The following GRID2IP variants were observed in gnomAD, a reference collection of about 807,000 sequenced individuals.
GRID2IP encodes delphilin.
Under a neutral mutation model 114.3 loss-of-function variants are expected in GRID2IP, and 78 were observed. The ratio of observed to expected loss-of-function variants is 0.68; its 90% CI spans 0.57 to 0.82. The LOEUF (loss-of-function observed/expected upper bound fraction) is 0.82, where lower values mean the gene tolerates loss of function less well. Ranked by LOEUF, GRID2IP falls within the 40% of genes least tolerant of loss-of-function variation. The pLI, the probability that GRID2IP is intolerant of heterozygous loss-of-function variation, is 0.00. For missense variants in GRID2IP, 1,727 were observed against 1,678.5 expected (o/e 1.03, Z -0.51); for synonymous variants, 809 against 724.0 (o/e 1.12, Z -1.89).
intron 2 of GRID2IP, chr7:6,530,955 C>A (rs552827180): frequency 5.0e-5 from 27 of 538,844 alleles, no homozygotes; most frequent in Admixed American, 1.1e-4. Flanking sequence ...CCACCCAGGG[C>A]AGGGAAGCCC....
chr7:6,520,541 C>G lies in GRID2IP; in HGVS notation c.1268+37G>C, dbSNP rs1452797149. ...AGTCTAGGCAGGACTTAGGGCCCAC[C>G]CAGGGCAGGGCCCCACCGCGGCTTT... is the stretch of plus-strand genomic sequence containing the variant. On this transcript the variant is annotated intron_variant, in intron 7 of 21. Transcript: ENST00000457091. This position sits in a 1 kb window ranked among gnomAD's most constrained non-coding sequence, Gnocchi z 4.6. 6.5e-7 allele frequency: 1 copy of G among 1,538,782 alleles called. No homozygotes were observed. The highest frequency in any genetic ancestry group is 1.4e-5 in the African/African-American group (1 of 72,832).
rs537204340 is a variant in GRID2IP at position 6,504,756 on chromosome 7, T to C, written c.2710+37A>G. ...GAGGCCCAGAGAAAGGGCCGCCGCCTGCCCCCTACACCCCCTGGGGTTCCC... is the reference window on the plus strand; with the variant it reads ...GAGGCCCAGAGAAAGGGCCGCCGCCCGCCCCCTACACCCCCTGGGGTTCCC... On this transcript the variant is annotated intron_variant, in intron 15 of 21. Coordinates refer to ENST00000457091, the MANE Select transcript of GRID2IP (RefSeq NM_001145118.2). The C allele has an allele frequency of 6.5e-5, 98 of 1,509,658 alleles. No homozygotes were observed. In the African/African-American group the frequency reaches 1.1e-3, roughly 18 times the overall value. The allele number at this position is 1,509,658 out of a possible 1,614,324, so 93.5% of individuals were successfully genotyped here.
rs967671968 is a variant in GRID2IP, at chr7:6,509,066, A to G, written c.2019T>C (p.Pro673=). The change falls in exon 12 of 22, where the codon CCT becomes CCC. Residue 673 remains proline (P), a synonymous_variant. Coordinates refer to ENST00000457091, the MANE Select transcript of GRID2IP (RefSeq NM_001145118.2). This position sits in a 1 kb window ranked among gnomAD's most constrained non-coding sequence, Gnocchi z 4.9. Reference sequence around the variant, plus strand: ...AGCGGTCAGTATCGCGGCTTCGCACAGGGTGGGAGAAGGTGAAGAGCTTCC... The same window carrying G: ...AGCGGTCAGTATCGCGGCTTCGCACGGGGTGGGAGAAGGTGAAGAGCTTCC... ...SRRKLFTFSH[P]VRSRDTDRFL... The G allele has an allele frequency of 9.6e-6, 12 of 1,249,606 alleles. No homozygotes were observed. Among genetic ancestry groups the G allele is most frequent in the Admixed American group, 2.5e-5 (1 of 40,140 alleles). 77.4% of individuals were successfully genotyped at this position (1,249,606 alleles called of 1,614,324 possible). A position where few individuals can be genotyped will look rare whatever the true frequency, so the allele number is the denominator to read the frequency against.
rs555976698 is a variant in GRID2IP, at chr7:6,510,782, G to A, written c.1556-76C>T. 4.2e-5 allele frequency: 62 copies of A among 1,476,468 alleles called. No homozygotes were observed. In the South Asian group the frequency reaches 5.3e-4, roughly 13 times the overall value. 91.5% of individuals were successfully genotyped at this position (1,476,468 alleles called of 1,614,324 possible). A position where few individuals can be genotyped will look rare whatever the true frequency, so the allele number is the denominator to read the frequency against. On this transcript the variant is annotated intron_variant, in intron 9 of 21. Transcript: ENST00000457091. ...CGGCCCAGAACCAACATGCCCCGCA[G>A]ACCCAGGAGGGCCAATCCTGAGCCC...
In GRID2IP at chr7:6,497,633, G is replaced by A. The variant is rs906601855; in HGVS notation, c.*141C>T. The A allele has an allele frequency of 3.4e-6, 2 of 596,096 alleles. No homozygotes were observed. The highest frequency in any genetic ancestry group is 2.2e-5 in the South Asian group (1 of 46,378). 36.9% of individuals were successfully genotyped at this position (596,096 alleles called of 1,614,324 possible). A position where few individuals can be genotyped will look rare whatever the true frequency, so the allele number is the denominator to read the frequency against. ...GCAGAGGAGGGCCCGACCACAGCTC[G>A]GCGGCTGAGGTAGCTGCAGGAGAGG... On this transcript the variant is annotated 3_prime_UTR_variant, in exon 22 of 22. Coordinates refer to ENST00000457091, the MANE Select transcript of GRID2IP (RefSeq NM_001145118.2).
intron 4 of GRID2IP, among the ~76,000 whole-genome samples, chr7:6,525,496 G>A (rs879871763): frequency 2.6e-5 from 4 of 151,852 alleles, no homozygotes; most frequent in South Asian, 2.1e-4. Context: ...GGTGGCGTGC[G>A]CCTGTGGTCC....
chr7:6,500,089 G>T (rs1786369356), intron 20 of GRID2IP, among the ~76,000 whole-genome samples: 1 of 152,030 alleles, frequency 6.6e-6, no homozygotes, highest in Admixed American at 6.6e-5. Context: ...CAAGCCCAAG[G>T]AAGCCGCCAA....
In GRID2IP at chr7:6,498,088, A is replaced by G; in HGVS notation, c.3540T>C (p.Phe1180=). The change falls in exon 21 of 22, where the codon TTT becomes TTC. Residue 1180 remains phenylalanine, a synonymous_variant. Transcript: ENST00000457091. The part of the protein sequence containing the change: ...ATTSEAFFGI[F]AEFMSKFERA... ...CCTCGAATTTGCTCATGAACTCTGC[A>G]AAGATGCCGAAGAAAGCCTCAGAGG... 2 of 1,551,448 alleles carry G rather than the reference A, an allele frequency of 1.3e-6. No homozygotes were observed. Among genetic ancestry groups the G allele is most frequent in the Non-Finnish European group, 1.7e-6 (2 of 1,146,872 alleles).
At chr7:6,550,568 T>C (rs1779958107) in intron 1 of GRID2IP, among the ~76,000 whole-genome samples, 1 of 149,912 alleles carries the variant, frequency 6.7e-6, no homozygotes, top group African/African-American at 2.5e-5. Flanking sequence ...CCCAGCACTT[T>C]GGGAGGCAGA....
intron 1 of GRID2IP, among the ~76,000 whole-genome samples, chr7:6,544,216 C>G (rs945272414): frequency 1.3e-4 from 20 of 152,202 alleles, no homozygotes; most frequent in African/African-American, 4.3e-4. Flanking sequence ...GGCTGTTTCC[C>G]CTGTCCTGCA....
chr7:6,509,703 C>T lies in GRID2IP; in HGVS notation c.1772-390G>A, dbSNP rs1786706800. Among the ~76,000 whole-genome samples, 1 of 152,212 alleles carries T rather than the reference C, an allele frequency of 6.6e-6. No homozygotes were observed. Among genetic ancestry groups the T allele is most frequent in the Admixed American group, 6.5e-5 (1 of 15,284 alleles). On this transcript the variant is annotated intron_variant, in intron 11 of 21. Transcript: ENST00000457091. The surrounding 1 kb of genome is among the most constrained non-coding windows in gnomAD (Gnocchi z 4.9). Reference sequence around the variant, plus strand: ...ACAGGAGGGCCTCCCAGGGCTCCTGCCTTCTGAGCTGCAGAGCAACTGTCT... The same window carrying T: ...ACAGGAGGGCCTCCCAGGGCTCCTGTCTTCTGAGCTGCAGAGCAACTGTCT...
Position 6,523,786 on chromosome 7 carries a change from A to C in GRID2IP, c.920-1829T>G, listed in dbSNP as rs1158331043. Among the ~76,000 whole-genome samples the C allele has an allele frequency of 6.6e-6, 1 of 152,046 alleles. No individual in the cohort carries two copies. Among genetic ancestry groups the C allele is most frequent in the Non-Finnish European group, 1.5e-5 (1 of 68,002 alleles). ...TGATCTTCCTGCCTCGGCCTCCCAAAGTGCTGGGATTACAAGTGTGAGCCA... is the reference window on the plus strand; with the variant it reads ...TGATCTTCCTGCCTCGGCCTCCCAACGTGCTGGGATTACAAGTGTGAGCCA... On this transcript the variant is annotated intron_variant, in intron 4 of 21. Transcript: ENST00000457091. The surrounding 1 kb of genome is among the most constrained non-coding windows in gnomAD (Gnocchi z 4.5).
At chr7:6,501,348 C>G (rs966699091) in intron 20 of GRID2IP, among the ~76,000 whole-genome samples, 6 of 151,918 alleles carry the variant, frequency 3.9e-5, no homozygotes, top group African/African-American at 1.5e-4. Flanking sequence ...AAGGCTCTGT[C>G]TCAAAAAATA....
chr7:6,498,390 C>T (rs1201919701), intron 20 of GRID2IP, among the ~76,000 whole-genome samples, 162 bp from the exon 21 acceptor site: 1 of 152,112 alleles, frequency 6.6e-6, no homozygotes, highest in Non-Finnish European at 1.5e-5. Flanking sequence ...TGTTCAGGGA[C>T]TCTAGTCCCA....
intron 1 of GRID2IP, among the ~76,000 whole-genome samples, chr7:6,542,322 A>AG (rs1397229488): frequency 6.4e-4 from 96 of 150,940 alleles, no homozygotes; most frequent in Non-Finnish European, 1.2e-3. Context: ...AAAAAAAAAA[A>AG]AAAAGAAAAA....
At chr7:6,537,898 G>C (rs1162380790) in intron 2 of GRID2IP, among the ~76,000 whole-genome samples, 1 of 152,030 alleles carries the variant, frequency 6.6e-6, no homozygotes, top group Non-Finnish European at 1.5e-5. Context: ...GTGCACTGCT[G>C]ACCCTGCTCG....
At chr7:6,544,756 G>T (rs1172503709) in intron 1 of GRID2IP, among the ~76,000 whole-genome samples, 11 of 152,064 alleles carry the variant, frequency 7.2e-5, no homozygotes, top group Admixed American at 4.6e-4. Flanking sequence ...TTGGAGACCA[G>T]CCTGGGCAAC....
Position 6,509,046 on chromosome 7 carries a change from T to C in GRID2IP, c.2039A>G (p.Asp680Gly). The change falls in exon 12 of 22, where the codon GAC becomes GGC. Residue 680 changes from aspartate (D) to glycine (G), a missense_variant. Physicochemically the swap from Asp to Gly is moderately conservative, Grantham distance 94 (BLOSUM62 -1). Coordinates refer to ENST00000457091, the MANE Select transcript of GRID2IP (RefSeq NM_001145118.2). This position sits in a 1 kb window ranked among gnomAD's most constrained non-coding sequence, Gnocchi z 4.9. ...FSHPVRSRDT[D>G]RFLDVLSEQL... ...CTCGCTCAGCACGTCCAGGAAGCGG[T>C]CAGTATCGCGGCTTCGCACAGGGTG... The C allele has an allele frequency of 2.0e-6, 3 of 1,537,034 alleles. No individual in the cohort carries two copies. Among genetic ancestry groups the C allele is most frequent in the Non-Finnish European group, 2.6e-6 (3 of 1,141,880 alleles).
chr7:6,521,833 G>T lies in GRID2IP; in HGVS notation c.989+55C>A. 4 of 1,338,290 alleles carry T rather than the reference G, an allele frequency of 3.0e-6. No homozygotes were observed. The highest frequency in any genetic ancestry group is 2.0e-5 in the Admixed American group (1 of 50,266). 82.9% of individuals were successfully genotyped at this position (1,338,290 alleles called of 1,614,324 possible). A position where few individuals can be genotyped will look rare whatever the true frequency, so the allele number is the denominator to read the frequency against. On this transcript the variant is annotated intron_variant, in intron 5 of 21. Transcript: ENST00000457091. This position sits in a 1 kb window ranked among gnomAD's most constrained non-coding sequence, Gnocchi z 4.1. ...GGGTGCCCCAAGAGGCAGGAGTCTTGCAGGGGGTGGGGGCAGCTCCTCACC... is the reference window on the plus strand; with the variant it reads ...GGGTGCCCCAAGAGGCAGGAGTCTTTCAGGGGGTGGGGGCAGCTCCTCACC...
Sources: allele counts gnomAD v4.1 joint callset (sites outside exome capture counted in the v4.1 genomes callset), GRCh38; gene constraint gnomAD v4.1.1; non-coding constraint Gnocchi (gnomAD v3.1); transcripts MANE v1.5; gene names NCBI Gene and HGNC (gene_info 2026-07-23, HGNC 2026-07-21).